IL13RA1: variants seen among roughly 807,000 people sequenced by gnomAD.
The protein encoded by IL13RA1 is interleukin 13 receptor subunit alpha 1.
In IL13RA1, 14 loss-of-function variants were observed where a neutral mutation model predicts 33.8. The ratio of observed to expected loss-of-function variants is 0.41; its 90% CI spans 0.27 to 0.65. The LOEUF is 0.65. IL13RA1 is among the 30% of genes least tolerant of loss of function. IL13RA1 has a pLI of 0.28. For missense variants in IL13RA1, 313 were observed against 327.0 expected (o/e 0.96, Z 0.33); for synonymous variants, 116 against 115.7 (o/e 1.00, Z -0.02).
chrX:118,757,160 A>T (rs1475666247), intron 4 of IL13RA1, among the ~76,000 whole-genome samples: 2 of 111,679 alleles, frequency 1.8e-5, no homozygotes, highest in South Asian at 3.8e-4. Flanking sequence ...TCCCAGCCTT[A>T]GAATGTCTTC....
chrX:118,741,807 G>C (rs1221041785), intron 2 of IL13RA1, among the ~76,000 whole-genome samples: 1 of 110,952 alleles, frequency 9.0e-6, no homozygotes, highest in African/African-American at 3.3e-5. Context: ...GTTTGTTGCA[G>C]GGTGGCGGCG....
chrX:118,788,786 T>G (rs1014311948), intron 10 of IL13RA1, among the ~76,000 whole-genome samples: 2 of 111,977 alleles, frequency 1.8e-5, no homozygotes, highest in Non-Finnish European at 1.9e-5. Flanking sequence ...ATTTTATTAC[T>G]GTCTTAGGAT....
chrX:118,752,129 T>C (rs762421852), intron 4 of IL13RA1, among the ~76,000 whole-genome samples: 10 of 110,509 alleles, frequency 9.0e-5, no homozygotes, highest in Admixed American at 2.9e-4. Flanking sequence ...TCACTCTTGG[T>C]ACCTGTTGTT....
intron 3 of IL13RA1, 111 bp from the exon 4 acceptor site, chrX:118,749,547 T>C (rs2017447528): frequency 4.0e-6 from 3 of 755,983 alleles, no homozygotes; most frequent in South Asian, 5.2e-5. Context: ...AAGCATTTGC[T>C]TTCTGACAAA....
chrX:118,739,075 A>C (rs2017314926), intron 1 of IL13RA1, among the ~76,000 whole-genome samples: 2 of 111,874 alleles, frequency 1.8e-5, no homozygotes, highest in South Asian at 7.3e-4. Context: ...GGCGTGAACC[A>C]CTGTGCCTGG....
At chrX:118,752,402 G>C (rs5957053) in intron 4 of IL13RA1, among the ~76,000 whole-genome samples, 12,798 of 111,661 alleles carry the variant, frequency 0.11, 1,785 homozygotes, top group African/African-American at 0.39. Flanking sequence ...AAACAGAATA[G>C]TGGAAACATT....
intron 5 of IL13RA1, among the ~76,000 whole-genome samples, chrX:118,760,812 A>G (rs924057574): frequency 1.8e-5 from 2 of 112,137 alleles, no homozygotes; most frequent in Non-Finnish European, 3.8e-5. Flanking sequence ...AAATCCATGG[A>G]TGCTCAAGTC....
chrX:118,799,217 C>T (rs372786111), downstream of IL13RA1, among the ~76,000 whole-genome samples: 10 of 113,416 alleles, frequency 8.8e-5, no homozygotes, highest in East Asian at 2.5e-3. Flanking sequence ...GGACCTGCAG[C>T]CCTCCATGCC....
Position 118,764,792 on chromosome X carries a change from A to T in IL13RA1, c.829-1738A>T, listed in dbSNP as rs990106337. Among the ~76,000 whole-genome samples the T allele has an allele frequency of 6.3e-5, 7 of 111,722 alleles. No individual in the cohort carries two copies. In the South Asian group the frequency reaches 1.5e-3, roughly 24 times the overall value. ...TGTGTGGAGGAGAATTTTGCATTAC[A>T]CTTTCTTTTCTCCAACCCAGTCAAG... On this transcript the variant is annotated intron_variant, in intron 6 of 10. Transcript: ENST00000371666.
In IL13RA1 at chrX:118,764,684, A is replaced by T. The variant is rs764301058; in HGVS notation, c.829-1846A>T. ...TTGACTATTTAAGCAACAGATTTTC[A>T]TGTGTTTTTTACTCCATTTTGGAAA... On this transcript the variant is annotated intron_variant, in intron 6 of 10. Transcript: ENST00000371666. Among the ~76,000 whole-genome samples, 24 of 111,706 alleles carry T rather than the reference A, an allele frequency of 2.1e-4. No individual in the cohort carries two copies. The East Asian group carries it at 5.6e-3, about 26-fold the overall frequency.
intron 10 of IL13RA1, among the ~76,000 whole-genome samples, chrX:118,784,153 A>ATATATACACACATATATATACATATT (rs2017890383): frequency 1.1e-5 from 1 of 90,906 alleles, no homozygotes; most frequent in African/African-American, 4.0e-5. Context: ...ATATACGTAT[A>ATATATACACACATATATATACATATT]TACACATATA....
chrX:118,743,588 G>A (rs1315241131), intron 2 of IL13RA1, among the ~76,000 whole-genome samples: 1 of 111,776 alleles, frequency 8.9e-6, no homozygotes, highest in East Asian at 2.8e-4. Flanking sequence ...TAATCAAAAG[G>A]CCAGGCATCC....
In IL13RA1 at chrX:118,780,378, G is replaced by A. The variant is rs201527080; in HGVS notation, c.1191+3867G>A. 1.8e-4 allele frequency among the ~76,000 whole-genome samples: 20 copies of A among 112,863 alleles called. 1 individual carries two copies. In the East Asian group the frequency reaches 5.3e-3, roughly 30 times the overall value. ...ATTCTCACTCATCTCCCTCTCTTTA[G>A]AGATGGGGACATGAGGAGCCACAGA... On this transcript the variant is annotated intron_variant, in intron 10 of 10. Coordinates refer to ENST00000371666, the MANE Select transcript of IL13RA1 (RefSeq NM_001560.3).
intron 8 of IL13RA1, among the ~76,000 whole-genome samples, 166 bp from the exon 9 acceptor site, chrX:118,773,713 A>T (rs1038778938): frequency 1.8e-5 from 2 of 110,042 alleles, no homozygotes; most frequent in South Asian, 3.8e-4. Context: ...TTTTTTTTTT[A>T]AACTATTAAT....
intron 6 of IL13RA1, among the ~76,000 whole-genome samples, chrX:118,763,239 T>C (rs1318925062): frequency 1.8e-5 from 2 of 112,810 alleles, no homozygotes; most frequent in African/African-American, 6.4e-5. Context: ...AGTTTGGTGC[T>C]GTCTACTTTG....
chrX:118,747,084 C>A lies in IL13RA1; in HGVS notation c.359C>A (p.Pro120His), dbSNP rs759471107. 8.6e-7 allele frequency: 1 copy of A among 1,157,935 alleles called. No individual in the cohort carries two copies. Among genetic ancestry groups the A allele is most frequent in the South Asian group, 1.9e-5 (1 of 53,866 alleles). The change falls in exon 3 of 11, where the codon CCC becomes CAC. Residue 120 changes from proline (P) to histidine (H), a missense_variant. Transcript: ENST00000371666. Reference protein sequence around the residue: ...PSILVEKCISPPEGDPESAVT... With the variant: ...PSILVEKCISHPEGDPESAVT... ...ATTTTGGTTGAAAAATGCATCTCAC[C>A]CCCAGAAGGTAACAACTGAAAGCGC... is the stretch of plus-strand genomic sequence containing the variant.
At chrX:118,741,193 A>AGT (rs1283113801) in intron 2 of IL13RA1, 37 bp downstream of exon 2, 1 of 944,513 alleles carries the variant, frequency 1.1e-6, no homozygotes, top group East Asian at 3.1e-5. Context: ...GATGAGGTAA[A>AGT]GTGAACACTA....
intron 5 of IL13RA1, among the ~76,000 whole-genome samples, chrX:118,758,711 A>G: frequency 8.9e-6 from 1 of 111,972 alleles, no homozygotes; most frequent in Middle Eastern, 4.6e-3. Context: ...AGCACAGGGC[A>G]TCACATGGTT....
chrX:118,776,822 G>A (rs755653260), intron 10 of IL13RA1, among the ~76,000 whole-genome samples: 1 of 107,580 alleles, frequency 9.3e-6, no homozygotes, highest in Non-Finnish European at 1.9e-5. Flanking sequence ...AAATTAGCCG[G>A]GTGCAGCGGC....
Sources: allele counts gnomAD v4.1 joint callset (sites outside exome capture counted in the v4.1 genomes callset), GRCh38; gene constraint gnomAD v4.1.1; transcripts MANE v1.5; gene names NCBI Gene and HGNC (gene_info 2026-07-23, HGNC 2026-07-21).